Variants in EPHX1 observed in about 807,000 individuals in gnomAD.
EPHX1 encodes the protein epoxide hydrolase 1, also known as epoxide hydratase.
EPHX1 carries 40 observed loss-of-function variants against 43.2 expected under a neutral mutation model. The ratio of observed to expected loss-of-function variants is 0.93; its 90% CI spans 0.72 to 1.21. The LOEUF (loss-of-function observed/expected upper bound fraction) is 1.21, where lower values mean the gene tolerates loss of function less well. Among genes scored for constraint, EPHX1 ranks in the 50% most tolerant of loss-of-function variants. The pLI, the probability that EPHX1 is intolerant of heterozygous loss-of-function variation, is 0.00. For synonymous variants in EPHX1, 221 were observed against 226.7 expected (o/e 0.98, Z 0.22); for missense variants, 550 against 570.4 (o/e 0.96, Z 0.36).
intron 3 of EPHX1, among the ~76,000 whole-genome samples, chr1:225,837,422 G>A (rs1228706513): frequency 6.6e-6 from 1 of 152,134 alleles, no homozygotes; most frequent in African/African-American, 2.4e-5. Flanking sequence ...ATATGCAGAG[G>A]CCCCAAGTCA....
intron 5 of EPHX1, among the ~76,000 whole-genome samples, chr1:225,839,625 C>T (rs985025661): frequency 2.6e-5 from 4 of 152,094 alleles, no homozygotes; most frequent in African/African-American, 9.7e-5. Flanking sequence ...TCTGGGATAG[C>T]CCTGAGCAGA....
chr1:225,844,516 CCTGCTGACCAACGT>C lies in EPHX1; in HGVS notation c.1061_1074del (p.Leu354HisfsTer30). 1 of 1,614,172 alleles carries C rather than the reference CCTGCTGACCAACGT, an allele frequency of 6.2e-7. No individual in the cohort carries two copies. Among genetic ancestry groups the C allele is most frequent in the South Asian group, 1.1e-5 (1 of 91,074 alleles). Reference sequence around the variant, plus strand: ...TTCCCAGGAAGTTCTCCCTGGACGACCTGCTGACCAACGTCATGCTCTACTGGACAACAGGCACC... The same window carrying C: ...TTCCCAGGAAGTTCTCCCTGGACGACCATGCTCTACTGGACAACAGGCACC... On this transcript the variant is annotated frameshift_variant, in exon 8 of 9. Transcript: ENST00000272167. LOFTEE classifies it high-confidence loss of function.
rs4149229 is a variant in EPHX1 at position 225,845,227 on chromosome 1, G to A, written c.1248G>A (p.Lys416=). The A allele has an allele frequency of 7.6e-3, 12,255 of 1,614,102 alleles. 473 individuals are homozygous for A. The East Asian group carries it at 0.09, about 12-fold the overall frequency. ...CGCCTGAAAAGTGGGTGAGGTTCAA[G>A]TACCCAAAGCTCATCTCCTATTCCT... ...LHTPEKWVRF[K]YPKLISYSYM... is the part of the protein sequence containing the mutation. Residue 416 remains lysine (K), a synonymous_variant, in exon 9 of 9, where the codon AAG becomes AAA. Transcript: ENST00000272167.
chr1:225,835,412 C>T (rs1164992854), intron 3 of EPHX1, among the ~76,000 whole-genome samples: 157 of 122,370 alleles, frequency 1.3e-3, no homozygotes, highest in African/African-American at 5.0e-3. Context: ...TTTCTTGAGA[C>T]GGAGTCTCGC....
Position 225,844,638 on chromosome 1 carries a change from G to T in EPHX1, c.1166+15G>T. On this transcript the variant is annotated intron_variant, in intron 8 of 8. Transcript: ENST00000272167. ...AAGCATGAGCGGTGAGCCTGGCTGA[G>T]CCGAGAACAGGGGCCTCTGAGGCTG... The T allele has an allele frequency of 6.2e-7, 1 of 1,613,664 alleles. No homozygotes were observed. The highest frequency in any genetic ancestry group is 8.5e-7 in the Non-Finnish European group (1 of 1,179,978).
chr1:225,843,098 T>C (rs1335979359), intron 7 of EPHX1, among the ~76,000 whole-genome samples: 4 of 152,170 alleles, frequency 2.6e-5, no homozygotes, highest in South Asian at 2.1e-4. Context: ...GACTCTGTCT[T>C]GGCCATGCTG....
At chr1:225,821,852 T>G (rs183471805) in intron 1 of EPHX1, among the ~76,000 whole-genome samples, 7 of 152,242 alleles carry the variant, frequency 4.6e-5, no homozygotes, top group South Asian at 2.1e-4. Flanking sequence ...TGATTTACCT[T>G]TTAACTGTGC....
At position 225,831,871 on chromosome 1, in the gene EPHX1, A is replaced by G. The variant is rs1667623337; in HGVS notation, c.276A>G (p.Lys92=). Residue 92 remains lysine (K), a synonymous_variant, in exon 3 of 9, where the codon AAA becomes AAG. Transcript: ENST00000272167. ...HYGFNSNYLK[K]VISYWRNEFD... ...GCTTCAACTCCAACTACCTGAAGAA[A>G]GTCATCTCCTACTGGCGGAATGAAT... 1.2e-6 allele frequency: 2 copies of G among 1,614,062 alleles called. No homozygotes were observed. Among genetic ancestry groups the G allele is most frequent in the African/African-American group, 2.7e-5 (2 of 74,914 alleles).
At chr1:225,828,953 G>A in intron 2 of EPHX1, 41 bp downstream of exon 2, 1 of 1,551,550 alleles carries the variant, frequency 6.4e-7, no homozygotes, top group Middle Eastern at 2.0e-4. Flanking sequence ...CAGTGGAGAG[G>A]GTGGTGTGTC....
chr1:225,818,797 A>T (rs1666844779), intron 1 of EPHX1, among the ~76,000 whole-genome samples: 1 of 152,008 alleles, frequency 6.6e-6, no homozygotes, highest in African/African-American at 2.4e-5. Flanking sequence ...TCAGATTTGC[A>T]TTTCCAAAAG....
At position 225,845,433 on chromosome 1, in the gene EPHX1, G is replaced by C. The variant is rs971630638; in HGVS notation, c.*86G>C. The C allele has an allele frequency of 4.2e-6, 6 of 1,430,120 alleles. No individual in the cohort carries two copies. The highest frequency in any genetic ancestry group is 4.0e-5 in the Admixed American group (2 of 50,050). 88.6% of individuals were successfully genotyped at this position (1,430,120 alleles called of 1,614,324 possible). A position where few individuals can be genotyped will look rare whatever the true frequency, so the allele number is the denominator to read the frequency against. ...GGAAGATACCCCTTTTCTGAGGAATGAGTTTGCCTCCGTCCCCTGCCCATG... is the reference window on the plus strand; with the variant it reads ...GGAAGATACCCCTTTTCTGAGGAATCAGTTTGCCTCCGTCCCCTGCCCATG... On this transcript the variant is annotated 3_prime_UTR_variant, in exon 9 of 9. Transcript: ENST00000272167.
chr1:225,839,590 A>T (rs1668218326), intron 5 of EPHX1, among the ~76,000 whole-genome samples: 1 of 152,114 alleles, frequency 6.6e-6, no homozygotes, highest in Non-Finnish European at 1.5e-5. Flanking sequence ...AAGGTCAGGC[A>T]TTAGACCTCT....
chr1:225,813,759 G>A (rs1261891969), intron 1 of EPHX1, among the ~76,000 whole-genome samples: 2 of 152,210 alleles, frequency 1.3e-5, no homozygotes, highest in African/African-American at 4.8e-5. Context: ...CACCCGCCCT[G>A]CTGTCTGTGT....
Position 225,845,400 on chromosome 1 carries a change from T to TTTC in EPHX1, c.*56_*58dup, listed in dbSNP as rs1668888003. The TTTC allele has an allele frequency of 2.9e-5, 43 of 1,475,790 alleles. No homozygotes were observed. The South Asian group carries it at 5.0e-4, about 17-fold the overall frequency. The allele number at this position is 1,475,790 out of a possible 1,614,324, so 91.4% of individuals were successfully genotyped here. On this transcript the variant is annotated 3_prime_UTR_variant, in exon 9 of 9. Coordinates refer to ENST00000272167, the MANE Select transcript of EPHX1 (RefSeq NM_001136018.4). ...TCCCCCCACAAGTGCCCTCCAGGCT[T>TTTC]TTCTTGGGGAAGATACCCCTTTTCT...
chr1:225,831,029 G>A (rs751134915), intron 2 of EPHX1, among the ~76,000 whole-genome samples: 1 of 152,106 alleles, frequency 6.6e-6, no homozygotes, highest in Non-Finnish European at 1.5e-5. Flanking sequence ...CCATTCATCT[G>A]TGCATTGGCT....
Position 225,841,855 on chromosome 1 carries a change from C to T in EPHX1, c.932-511C>T, listed in dbSNP as rs370329952. On this transcript the variant is annotated intron_variant, in intron 6 of 8. Coordinates refer to ENST00000272167, the MANE Select transcript of EPHX1 (RefSeq NM_001136018.4). ...CTTACCGCAGGTGATCCACCTTTCT[C>T]ACCCTCCCAAAGTGCTGGGATTACA... is the stretch of plus-strand genomic sequence containing the variant. 5.3e-5 allele frequency among the ~76,000 whole-genome samples: 8 copies of T among 152,272 alleles called. No homozygotes were observed. The East Asian group carries it at 1.4e-3, about 26-fold the overall frequency.
At position 225,844,594 on chromosome 1, in the gene EPHX1, A is replaced by T. The variant is rs747678323; in HGVS notation, c.1137A>T (p.Gly379=). Residue 379 remains glycine, a synonymous_variant, in exon 8 of 9, where the codon GGA becomes GGT. Transcript: ENST00000272167. ...SSQRFYKENL[G]QGWMTQKHER... is the part of the protein sequence containing the mutation. The stretch of plus-strand genomic sequence containing the variant: ...AGCGCTTCTACAAGGAGAACCTGGG[A>T]CAGGGCTGGATGACCCAGAAGCATG... The T allele has an allele frequency of 1.2e-5, 19 of 1,614,014 alleles. No individual in the cohort carries two copies. Among genetic ancestry groups the T allele is most frequent in the Non-Finnish European group, 1.5e-5 (18 of 1,180,014 alleles).
At position 225,838,769 on chromosome 1, in the gene EPHX1, C is replaced by T. The variant is rs771499872; in HGVS notation, c.480C>T (p.Ile160=). The change falls in exon 4 of 9, where the codon ATC becomes ATT. Residue 160 remains isoleucine (I), a synonymous_variant. Coordinates refer to ENST00000272167, the MANE Select transcript of EPHX1 (RefSeq NM_001136018.4). ...WPGSFYEFYK[I]IPLLTDPKNH... ...GCTCTTTCTACGAGTTTTATAAGAT[C>T]ATCCCACTCCTGACTGACCCCAAGA... 7 of 1,614,220 alleles carry T rather than the reference C, an allele frequency of 4.3e-6. No individual in the cohort carries two copies. In the Admixed American group the frequency reaches 8.3e-5, roughly 19 times the overall value.
chr1:225,815,521 G>C (rs900794133), intron 1 of EPHX1, among the ~76,000 whole-genome samples: 1 of 151,014 alleles, frequency 6.6e-6, no homozygotes, highest in Non-Finnish European at 1.5e-5. Context: ...CCAAAGTACT[G>C]GGATTACAGG....
Sources: gnomAD v4.1 joint callset for allele counts (sites outside exome capture counted in the v4.1 genomes callset) on GRCh38, gnomAD v4.1.1 for gene constraint, MANE v1.5 for transcripts, NCBI Gene and HGNC (gene_info 2026-07-23, HGNC 2026-07-21) for gene names.